Variants in PLEKHA2 observed in about 807,000 individuals in gnomAD.
PLEKHA2 encodes pleckstrin homology domain-containing family A member 2.
A neutral mutation model predicts 53.2 loss-of-function variants in PLEKHA2; 28 were observed. That is an observed-to-expected ratio of 0.53 (90% CI 0.39 to 0.72). The LOEUF (loss-of-function observed/expected upper bound fraction) is 0.72, where lower values mean the gene tolerates loss of function less well. PLEKHA2 is among the 30% of genes least tolerant of loss of function. PLEKHA2 has a pLI of 0.00. For synonymous variants in PLEKHA2, 193 were observed against 196.4 expected, an observed-to-expected ratio of 0.98 and a Z score of 0.14; for missense variants, 426 against 537.9, an observed-to-expected ratio of 0.79 and a Z score of 2.06.
intron 2 of PLEKHA2, among the ~76,000 whole-genome samples, chr8:38,926,668 C>T (rs546156421): frequency 3.3e-5 from 5 of 152,326 alleles, no homozygotes; most frequent in South Asian, 2.1e-4. Context: ...CGGTGGCTCA[C>T]GCCTGTAATC....
At chr8:38,938,583 C>T (rs1041308338) in intron 3 of PLEKHA2, among the ~76,000 whole-genome samples, 11 of 152,212 alleles carry the variant, frequency 7.2e-5, no homozygotes, top group Admixed American at 5.2e-4. Flanking sequence ...ATCTGATAAG[C>T]GCAAGTTCCT....
In PLEKHA2 at chr8:38,969,471, C is replaced by G; in HGVS notation, c.966C>G (p.Ser322Arg). ...CTTTGACCCGACCTGGAAGCTCCAG[C>G]CTTTCAAGTGGGCCCAACTCTATCC... ...SISLTRPGSSSLSSGPNSILC... is the reference protein window; with the variant it reads ...SISLTRPGSSRLSSGPNSILC... Residue 322 changes from serine (S) to arginine (R), a missense_variant, in exon 12 of 12, where the codon AGC (serine) becomes AGG (arginine). Ser to Arg is a moderately radical substitution (Grantham distance 110, BLOSUM62 -1). Transcript: ENST00000617275. The G allele has an allele frequency of 1.2e-6, 2 of 1,613,900 alleles. No homozygotes were observed. Among genetic ancestry groups the G allele is most frequent in the Non-Finnish European group, 1.7e-6 (2 of 1,179,856 alleles).
chr8:38,935,570 C>T (rs551787303), intron 2 of PLEKHA2, among the ~76,000 whole-genome samples: 29 of 152,056 alleles, frequency 1.9e-4, no homozygotes, highest in African/African-American at 6.7e-4. Context: ...AAGTGTGAGC[C>T]TCCATACCCA....
intron 3 of PLEKHA2, among the ~76,000 whole-genome samples, chr8:38,937,031 C>T (rs1044794505): frequency 6.6e-6 from 1 of 152,172 alleles, no homozygotes; most frequent in Non-Finnish European, 1.5e-5. Flanking sequence ...GAGTCTTGTA[C>T]CCTGGCTGGT....
chr8:38,955,826 T>G lies in PLEKHA2; in HGVS notation c.774-1497T>G, dbSNP rs553192087. ...CAGTTTTGCTTCCTTATGTTCTTTT[T>G]TTGTTGTTGTTGAGATAGAGTCTTG... On this transcript the variant is annotated intron_variant, in intron 9 of 11. Transcript: ENST00000617275. Among the ~76,000 whole-genome samples the G allele has an allele frequency of 1.6e-4, 24 of 152,316 alleles. 1 individual carries two copies. The South Asian group carries it at 2.1e-3, about 13-fold the overall frequency.
chr8:38,939,678 C>T (rs1834564231), intron 3 of PLEKHA2, among the ~76,000 whole-genome samples: 1 of 152,204 alleles, frequency 6.6e-6, no homozygotes, highest in South Asian at 2.1e-4. Context: ...TTAAAACAGT[C>T]CGCCTGTGGT....
At chr8:38,964,941 G>T (rs1835108677) in intron 10 of PLEKHA2, among the ~76,000 whole-genome samples, 1 of 134,844 alleles carries the variant, frequency 7.4e-6, no homozygotes, top group Non-Finnish European at 1.5e-5. Flanking sequence ...GAACTCCTGG[G>T]CTTAAGCCAT....
intron 2 of PLEKHA2, among the ~76,000 whole-genome samples, chr8:38,931,036 G>A (rs1470143678): frequency 6.6e-6 from 1 of 152,162 alleles, no homozygotes. Context: ...CCAGTACTTT[G>A]GGAGGCCAGG....
At chr8:38,948,654 C>T (rs1588265550) in intron 5 of PLEKHA2, among the ~76,000 whole-genome samples, 2 of 152,252 alleles carry the variant, frequency 1.3e-5, no homozygotes, top group South Asian at 4.1e-4. Context: ...TGAACAGACA[C>T]CAAATGACAG....
chr8:38,901,620 G>C (rs1425522708), intron 1 of PLEKHA2, among the ~76,000 whole-genome samples, 175 bp downstream of exon 1: 1 of 152,078 alleles, frequency 6.6e-6, no homozygotes, highest in African/African-American at 2.4e-5. Flanking sequence ...GCGAGGGGAG[G>C]TGGCCGCAGA....
intron 1 of PLEKHA2, among the ~76,000 whole-genome samples, chr8:38,904,697 G>A (rs1339353154): frequency 6.6e-6 from 1 of 152,234 alleles, no homozygotes; most frequent in Non-Finnish European, 1.5e-5. Context: ...AGAGGGAAGA[G>A]TGAGGGAAGC....
In PLEKHA2 at chr8:38,972,091, G is replaced by A. The variant is rs913678704; in HGVS notation, c.*2308G>A. The A allele has an allele frequency of 6.6e-6, 1 of 152,142 alleles. No individual in the cohort carries two copies. The highest frequency in any genetic ancestry group is 2.4e-5 in the African/African-American group (1 of 41,434). 9.4% of individuals were successfully genotyped at this position (152,142 alleles called of 1,614,324 possible). On this transcript the variant is annotated 3_prime_UTR_variant, in exon 12 of 12. Coordinates refer to ENST00000617275, the MANE Select transcript of PLEKHA2 (RefSeq NM_021623.2). ...ATCCATATGGTATTATCCTGATAAA[G>A]GGAAACGAGGACACTAAGACTGTCA...
intron 5 of PLEKHA2, among the ~76,000 whole-genome samples, chr8:38,947,146 G>A (rs768465257): frequency 7.3e-6 from 1 of 137,500 alleles, no homozygotes; most frequent in Admixed American, 7.1e-5. Context: ...GATAAACCTT[G>A]GTAAACCCGT....
chr8:38,926,893 T>C (rs1207615699), intron 2 of PLEKHA2, among the ~76,000 whole-genome samples: 1 of 152,078 alleles, frequency 6.6e-6, no homozygotes, highest in Non-Finnish European at 1.5e-5. Context: ...CTAGCCTGGG[T>C]AACAAGAGCG....
intron 4 of PLEKHA2, 94 bp downstream of exon 4, chr8:38,943,931 C>T: frequency 1.1e-5 from 11 of 1,032,364 alleles, no homozygotes; most frequent in Non-Finnish European, 1.5e-5. Context: ...TGTGACTATA[C>T]CCTGTGAGTA....
intron 7 of PLEKHA2, 69 bp from the exon 8 acceptor site, chr8:38,952,567 G>A: frequency 1.3e-6 from 2 of 1,516,714 alleles, no homozygotes; most frequent in Non-Finnish European, 1.8e-6. Flanking sequence ...TGGGAGCTTA[G>A]CATGAGTACA....
intron 2 of PLEKHA2, among the ~76,000 whole-genome samples, chr8:38,929,528 C>T (rs978628354): frequency 6.6e-6 from 1 of 152,230 alleles, no homozygotes; most frequent in Non-Finnish European, 1.5e-5. Flanking sequence ...GGCTTGAATA[C>T]TGGCTCCGCT....
chr8:38,948,285 G>A (rs140790020), intron 5 of PLEKHA2, among the ~76,000 whole-genome samples: 1 of 152,220 alleles, frequency 6.6e-6, no homozygotes, highest in Non-Finnish European at 1.5e-5. Context: ...TAGGTAGGTC[G>A]TGACATGCAG....
At chr8:38,940,718 A>G (rs1171203345) in intron 3 of PLEKHA2, among the ~76,000 whole-genome samples, 1 of 149,564 alleles carries the variant, frequency 6.7e-6, no homozygotes, top group African/African-American at 2.5e-5. Context: ...TTATGGAGCC[A>G]CCAGCGTCCT....
Sources: allele counts gnomAD v4.1 joint callset (sites outside exome capture counted in the v4.1 genomes callset), GRCh38; gene constraint gnomAD v4.1.1; transcripts MANE v1.5; gene names NCBI Gene and HGNC (gene_info 2026-07-23, HGNC 2026-07-21).